FGD5: variants seen among roughly 807,000 people sequenced by gnomAD.
The protein encoded by FGD5 is FYVE, RhoGEF and PH domain containing 5, also known as FYVE, RhoGEF and PH domain-containing protein 5.
A neutral mutation model predicts 133.4 loss-of-function variants in FGD5; 28 were observed. The observed-to-expected ratio is 0.21, with a 90% CI of 0.16 to 0.29. The LOEUF is 0.29. FGD5 is among the 10% of genes least tolerant of loss of function. The pLI, the probability that FGD5 is intolerant of heterozygous loss-of-function variation, is 1.00. For missense variants in FGD5, 1,858 were observed against 1,895.2 expected (o/e 0.98, Z 0.36); for synonymous variants, 810 against 776.5 (o/e 1.04, Z -0.72).
chr3:14,856,183 A>G (rs77456290), intron 1 of FGD5, among the ~76,000 whole-genome samples: 5,713 of 152,182 alleles, frequency 0.038, 131 homozygotes, highest in Non-Finnish European at 0.041. Flanking sequence ...AGTTGTCTGT[A>G]TATATATGGA....
chr3:14,826,115 T>C (rs771117687), intron 1 of FGD5, among the ~76,000 whole-genome samples: 40 of 152,232 alleles, frequency 2.6e-4, no homozygotes, highest in Non-Finnish European at 4.1e-4. Flanking sequence ...CACAGATCCC[T>C]GAGGCCACTT....
At chr3:14,845,748 C>T (rs1490549304) in intron 1 of FGD5, among the ~76,000 whole-genome samples, 1 of 152,190 alleles carries the variant, frequency 6.6e-6, no homozygotes, top group Non-Finnish European at 1.5e-5. Flanking sequence ...TGTTCATTGC[C>T]ACGTGCTTTG....
chr3:14,863,319 C>G (rs908714308), intron 1 of FGD5, among the ~76,000 whole-genome samples: 3 of 152,210 alleles, frequency 2.0e-5, no homozygotes, highest in Non-Finnish European at 4.4e-5. Flanking sequence ...AATAATCAGT[C>G]TGCTGTGTAG....
At chr3:14,842,963 GCCT>G (rs139764189) in intron 1 of FGD5, among the ~76,000 whole-genome samples, 6,432 of 152,116 alleles carry the variant, frequency 0.042, 220 homozygotes, top group East Asian at 0.15. Flanking sequence ...TCTGAGCTGG[GCCT>G]CCTCCTCACT....
chr3:14,870,119 GGGAAC>G, intron 2 of FGD5, among the ~76,000 whole-genome samples: 1 of 152,162 alleles, frequency 6.6e-6, no homozygotes, highest in African/African-American at 2.4e-5. Flanking sequence ...ACATCTGTGA[GGGAAC>G]GGAATGGCAT....
chr3:14,926,089 G>C lies in FGD5; in HGVS notation c.4088G>C (p.Gly1363Ala), dbSNP rs1204972676. 6 of 1,613,670 alleles carry C rather than the reference G, an allele frequency of 3.7e-6. No individual in the cohort carries two copies. The Admixed American group carries it at 1.0e-4, about 27-fold the overall frequency. ...ALTEVAASGE[G>A]SAISGYLSRC... ...TGCCAGGTGGCTGCCTCTGGAGAGG[G>C]CTCTGCCATCAGTGGCTATCTCAGC... The change falls in exon 18 of 20, where the codon GGC becomes GCC. Residue 1363 changes from glycine (G) to alanine (A), a missense_variant. This residue lies in a region of FGD5 where 1,824 missense variants were observed against 1,848.9 expected (regional missense o/e 0.99). Transcript: ENST00000285046.
Position 14,917,172 on chromosome 3 carries a change from C to T in FGD5, c.3406-77C>T. 7.4e-7 allele frequency: 1 copy of T among 1,356,278 alleles called. No homozygotes were observed. The highest frequency in any genetic ancestry group is 1.0e-6 in the Non-Finnish European group (1 of 973,028). The allele number at this position is 1,356,278 out of a possible 1,614,324, so 84.0% of individuals were successfully genotyped here. ...CAAGATGCCTGTGCACAGCGGAGCT[C>T]AGGGATCCTTTGAGGACAGAAGCCT... On this transcript the variant is annotated intron_variant, in intron 11 of 19. Coordinates refer to ENST00000285046, the MANE Select transcript of FGD5 (RefSeq NM_152536.4). This position sits in a 1 kb window ranked among gnomAD's most constrained non-coding sequence, Gnocchi z 4.1.
At chr3:14,833,968 C>A (rs1291417470) in intron 1 of FGD5, among the ~76,000 whole-genome samples, 1 of 152,000 alleles carries the variant, frequency 6.6e-6, no homozygotes, top group African/African-American at 2.4e-5. Flanking sequence ...CTTGGGGTTC[C>A]CTCCCATGCT....
chr3:14,851,801 T>C (rs1482690824), intron 1 of FGD5, among the ~76,000 whole-genome samples: 1 of 152,158 alleles, frequency 6.6e-6, no homozygotes, highest in Non-Finnish European at 1.5e-5. Context: ...TTTCCCTTTT[T>C]CTCTTTGGCT....
chr3:14,923,109 A>G lies in FGD5; in HGVS notation c.3871A>G (p.Lys1291Glu). 1 of 1,613,908 alleles carries G rather than the reference A, an allele frequency of 6.2e-7. No individual in the cohort carries two copies. Among genetic ancestry groups the G allele is most frequent in the East Asian group, 2.2e-5 (1 of 44,878 alleles). Residue 1291 changes from lysine (K) to glutamate (E), a missense_variant, in exon 16 of 20, where the codon AAG (lysine) becomes GAG (glutamate). Transcript: ENST00000285046. The part of the protein sequence containing the change: ...PLKYLKDRMA[K>E]VCDGCFGELK... ...GAAGTACCTGAAGGACAGGATGGCC[A>G]AGGTCTGCGACGGCTGCTTCGGGGA... is the stretch of plus-strand genomic sequence containing the variant.
chr3:14,918,196 GA>G (rs1486547911), intron 12 of FGD5, among the ~76,000 whole-genome samples: 10 of 152,234 alleles, frequency 6.6e-5, no homozygotes, highest in Non-Finnish European at 1.5e-4. Flanking sequence ...GAGGTTTTAG[GA>G]AGTTAATTCT....
chr3:14,851,860 G>GA (rs1304694859), intron 1 of FGD5, among the ~76,000 whole-genome samples: 1 of 148,854 alleles, frequency 6.7e-6, no homozygotes, highest in Admixed American at 6.7e-5. Flanking sequence ...GATGGAATCA[G>GA]AAAAAAACAA....
At chr3:14,812,020 GTGTGTGTGTGTATGTA>G (rs2036302481) in intron 1 of FGD5, among the ~76,000 whole-genome samples, 2 of 98,974 alleles carry the variant, frequency 2.0e-5, no homozygotes, top group South Asian at 4.0e-4. Flanking sequence ...GTGTGTGTGT[GTGTGTGTGTGTATGTA>G]TGTGTGTGTG....
chr3:14,900,907 C>T, intron 8 of FGD5, 96 bp from the exon 9 acceptor site: 3 of 1,421,944 alleles, frequency 2.1e-6, no homozygotes, highest in Non-Finnish European at 3.0e-6. Flanking sequence ...GCAGTAGTGG[C>T]CAAGCTGGGC....
intron 1 of FGD5, among the ~76,000 whole-genome samples, chr3:14,858,141 A>G (rs2037321884): frequency 6.6e-6 from 1 of 152,138 alleles, no homozygotes; most frequent in South Asian, 2.1e-4. Context: ...CTCAGAAGTA[A>G]TTTGCACTGT....
intron 2 of FGD5, among the ~76,000 whole-genome samples, chr3:14,865,516 C>G (rs1364858143): frequency 6.6e-6 from 1 of 152,120 alleles, no homozygotes; most frequent in Non-Finnish European, 1.5e-5. Flanking sequence ...CCTTCTCTCT[C>G]CAGTGGCTCC....
intron 4 of FGD5, among the ~76,000 whole-genome samples, chr3:14,893,457 T>G (rs1053309069): frequency 6.6e-6 from 1 of 152,116 alleles, no homozygotes; most frequent in Admixed American, 6.6e-5. Flanking sequence ...GCTCAAGCAA[T>G]CTTCCTGCTT....
At chr3:14,892,193 C>T (rs1356673178) in intron 4 of FGD5, among the ~76,000 whole-genome samples, 5 of 148,528 alleles carry the variant, frequency 3.4e-5, no homozygotes, top group African/African-American at 7.4e-5. Context: ...TACAAAAGAC[C>T]TTTTTTTTTT....
chr3:14,928,012 G>A (rs936314079), intron 18 of FGD5, among the ~76,000 whole-genome samples: 1 of 151,298 alleles, frequency 6.6e-6, no homozygotes, highest in African/African-American at 2.4e-5. Flanking sequence ...TGCAATCTTG[G>A]CTCACTGCAA....
Sources: gnomAD v4.1 joint callset for allele counts (sites outside exome capture counted in the v4.1 genomes callset) on GRCh38, gnomAD v4.1.1 for gene constraint, gnomAD v4.1.1 regional missense constraint, Gnocchi (gnomAD v3.1) non-coding constraint, MANE v1.5 for transcripts, NCBI Gene and HGNC (gene_info 2026-07-23, HGNC 2026-07-21) for gene names.